TNR: variants seen among roughly 807,000 people sequenced by gnomAD.
TNR encodes the protein tenascin R.
TNR carries 45 observed loss-of-function variants against 150.4 expected under a neutral mutation model. That is an observed-to-expected ratio of 0.30 (90% CI 0.24 to 0.38). TNR has a LOEUF of 0.38. Ranked by LOEUF, TNR falls within the 10% of genes least tolerant of loss-of-function variation. The pLI, the probability that TNR is intolerant of heterozygous loss-of-function variation, is 1.00. For synonymous variants in TNR, 687 were observed against 678.4 expected (o/e 1.01, Z -0.20); for missense variants, 1,544 against 1,759.1 (o/e 0.88, Z 2.19).
chr1:175,506,591 G>A (rs901856427), intron 2 of TNR, among the ~76,000 whole-genome samples: 3 of 152,240 alleles, frequency 2.0e-5, no homozygotes, highest in Admixed American at 6.5e-5. Context: ...GCCCTGTGAG[G>A]AGGCAGTGAG....
intron 1 of TNR, among the ~76,000 whole-genome samples, chr1:175,564,502 G>A (rs1386444063): frequency 2.0e-5 from 3 of 152,152 alleles, no homozygotes; most frequent in Non-Finnish European, 4.4e-5. Context: ...GGTACCTAGA[G>A]GCTCAGAATA....
At chr1:175,362,926 G>C in intron 13 of TNR, 117 bp from the exon 14 acceptor site, 1 of 1,255,576 alleles carries the variant, frequency 8.0e-7, no homozygotes, top group Non-Finnish European at 1.1e-6. Context: ...TCAGTGGGGA[G>C]GGATGATACA....
chr1:175,646,635 T>C (rs1229976844), intron 1 of TNR, among the ~76,000 whole-genome samples: 5 of 152,206 alleles, frequency 3.3e-5, no homozygotes, highest in African/African-American at 1.2e-4. Flanking sequence ...ACAGGCCAAA[T>C]TGGGCCTGCA....
intron 1 of TNR, among the ~76,000 whole-genome samples, chr1:175,686,073 A>G (rs1389734742): frequency 6.6e-6 from 1 of 152,058 alleles, no homozygotes; most frequent in Non-Finnish European, 1.5e-5. Context: ...ACACACACAG[A>G]GTGTTTTTCA....
chr1:175,416,905 G>A (rs1235610097), intron 2 of TNR, among the ~76,000 whole-genome samples: 1 of 152,154 alleles, frequency 6.6e-6, no homozygotes, highest in Non-Finnish European at 1.5e-5. Flanking sequence ...CTACTCGGGA[G>A]GCTGAGGCAG....
At chr1:175,439,280 T>A (rs1655669680) in intron 2 of TNR, among the ~76,000 whole-genome samples, 1 of 152,112 alleles carries the variant, frequency 6.6e-6, no homozygotes, top group Non-Finnish European at 1.5e-5. Context: ...GGGGAAAGGA[T>A]TCCCTATTTA....
chr1:175,345,827 T>C (rs1288216115), intron 18 of TNR, among the ~76,000 whole-genome samples: 1 of 152,098 alleles, frequency 6.6e-6, no homozygotes, highest in South Asian at 2.1e-4. Context: ...TTAAAGAGTG[T>C]ATAGAGTGTG....
intron 2 of TNR, among the ~76,000 whole-genome samples, chr1:175,455,689 G>C (rs1478770994): frequency 6.6e-6 from 1 of 152,202 alleles, no homozygotes; most frequent in Admixed American, 6.5e-5. Flanking sequence ...TTCACCAGCA[G>C]ACAAAATGGG....
At chr1:175,391,056 A>C (rs1471852523) in intron 7 of TNR, among the ~76,000 whole-genome samples, 1 of 152,230 alleles carries the variant, frequency 6.6e-6, no homozygotes, top group East Asian at 1.9e-4. Flanking sequence ...ATTAAAAAAG[A>C]ATTGTCTCCA....
intron 1 of TNR, among the ~76,000 whole-genome samples, chr1:175,731,183 T>C (rs557161194): frequency 2.0e-5 from 3 of 152,238 alleles, no homozygotes; most frequent in Admixed American, 6.5e-5. Flanking sequence ...GAACAGTGGG[T>C]CTTCTTGACC....
chr1:175,631,101 T>C (rs1001895893), intron 1 of TNR, among the ~76,000 whole-genome samples: 1 of 152,210 alleles, frequency 6.6e-6, no homozygotes, highest in African/African-American at 2.4e-5. Flanking sequence ...GAATGTCCTA[T>C]GAAAATAAAA....
intron 1 of TNR, among the ~76,000 whole-genome samples, chr1:175,603,672 G>A (rs1027125264): frequency 1.3e-5 from 2 of 152,244 alleles, no homozygotes; most frequent in Non-Finnish European, 2.9e-5. Context: ...CTGCTTGGCA[G>A]TCTGTGTGGA....
chr1:175,451,258 A>G (rs1656303637), intron 2 of TNR, among the ~76,000 whole-genome samples: 1 of 149,036 alleles, frequency 6.7e-6, no homozygotes, highest in South Asian at 2.1e-4. Flanking sequence ...TCTAGGGTAC[A>G]CGTGCACAAC....
Position 175,469,504 on chromosome 1 carries a change from T to G in TNR, c.-64+58765A>C, listed in dbSNP as rs572053676. ...TGGACCCTAAAGAATAAACAGAAATTTATCAAGCAGGGGACTGAGGTTGGC... is the reference window on the plus strand; with the variant it reads ...TGGACCCTAAAGAATAAACAGAAATGTATCAAGCAGGGGACTGAGGTTGGC... On this transcript the variant is annotated intron_variant, in intron 2 of 22. Coordinates refer to ENST00000367674, the MANE Select transcript of TNR (RefSeq NM_003285.3). 3.9e-5 allele frequency among the ~76,000 whole-genome samples: 6 copies of G among 151,956 alleles called. No homozygotes were observed. The South Asian group carries it at 1.3e-3, about 32-fold the overall frequency.
intron 1 of TNR, among the ~76,000 whole-genome samples, chr1:175,737,837 A>C (rs1433448603): frequency 6.6e-6 from 1 of 152,214 alleles, no homozygotes; most frequent in South Asian, 2.1e-4. Flanking sequence ...CAATAAACTA[A>C]TGGGTCTGTT....
rs751868727 is a variant in TNR, at chr1:175,386,139, C to G, written c.1670G>C (p.Ser557Thr). The stretch of plus-strand genomic sequence containing the variant: ...CCGCAGGGCCTGCACTGAGTATTGG[C>G]TCAGGGGAGGCTGCAGCCGGAAGGT... ...RTTFRLQPPL[S>T]QYSVQALRPG... is the part of the protein sequence containing the mutation. The change falls in exon 8 of 23, where the codon AGC becomes ACC. Residue 557 changes from serine (S) to threonine (T), a missense_variant. By Grantham distance (58) the Ser-to-Thr change is moderately conservative. Around this residue, in one of 2 missense-constraint regions of TNR, gnomAD observed 1,254 missense variants for 1,329.4 expected, o/e 0.94. Transcript: ENST00000367674. 7 of 1,613,308 alleles carry G rather than the reference C, an allele frequency of 4.3e-6. No homozygotes were observed. The highest frequency in any genetic ancestry group is 5.9e-6 in the Non-Finnish European group (7 of 1,179,346).
chr1:175,337,448 G>C (rs1390875667), intron 19 of TNR, 80 bp downstream of exon 19: 1 of 1,555,160 alleles, frequency 6.4e-7, no homozygotes, highest in Non-Finnish European at 8.8e-7. Flanking sequence ...GGATGGTGAA[G>C]TTGGCTTGGC....
chr1:175,668,416 G>A (rs564916966), intron 1 of TNR, among the ~76,000 whole-genome samples: 6 of 152,206 alleles, frequency 3.9e-5, no homozygotes, highest in Admixed American at 6.5e-5. Flanking sequence ...TCCCTGCACC[G>A]CAACCCATGC....
chr1:175,569,680 G>A lies in TNR; in HGVS notation c.-164-41311C>T, dbSNP rs1194227538. ...AAAATTAATAGCACACCATGGCTGA[G>A]CTCCATTTATTCACTCATTCAACAA... is the stretch of plus-strand genomic sequence containing the variant. On this transcript the variant is annotated intron_variant, in intron 1 of 22. Transcript: ENST00000367674. Among the ~76,000 whole-genome samples the A allele has an allele frequency of 2.0e-5, 3 of 152,164 alleles. No homozygotes were observed. The East Asian group carries it at 5.8e-4, about 29-fold the overall frequency.
Sources: allele counts gnomAD v4.1 joint callset (sites outside exome capture counted in the v4.1 genomes callset), GRCh38; gene constraint gnomAD v4.1.1; regional missense constraint gnomAD v4.1.1; transcripts MANE v1.5; gene names NCBI Gene and HGNC (gene_info 2026-07-23, HGNC 2026-07-21).